Variants in OR52K1 observed in about 807,000 individuals in gnomAD.
The protein encoded by OR52K1 is olfactory receptor family 52 subfamily K member 1.
Under a neutral mutation model 8.7 loss-of-function variants are expected in OR52K1, and 10 were observed. The observed-to-expected ratio is 1.15, with a 90% confidence interval of 0.71 to 1.95. The LOEUF (loss-of-function observed/expected upper bound fraction) is 1.95. OR52K1 is among the 30% of genes most tolerant of loss of function. OR52K1 has a pLI of 0.00. For synonymous variants in OR52K1, 203 were observed against 148.5 expected (o/e 1.37, Z -2.67); for missense variants, 431 against 397.2 (o/e 1.08, Z -0.72).
Position 4,489,542 on chromosome 11 carries a change from C to G in OR52K1, c.642C>G (p.Leu214=). 2 of 1,614,234 alleles carry G rather than the reference C, an allele frequency of 1.2e-6. No homozygotes were observed. Among genetic ancestry groups the G allele is most frequent in the Non-Finnish European group, 1.7e-6 (2 of 1,180,050 alleles). ...VAMFIVVLDL[L]FVILSYVFIL... is the part of the protein sequence containing the mutation. ...TGTTTATTGTGGTGTTGGACCTGCTCTTTGTTATCCTGTCTTATGTCTTCA... is the reference window on the plus strand; with the variant it reads ...TGTTTATTGTGGTGTTGGACCTGCTGTTTGTTATCCTGTCTTATGTCTTCA... The change falls in exon 2 of 2, where the codon CTC becomes CTG. Residue 214 remains leucine (L), a synonymous_variant. Transcript: ENST00000641528.
Position 4,490,111 on chromosome 11 carries a change from A to G in OR52K1, c.*266A>G. ...AGGAAGACAAACCTCTCAAAGTGGT[A>G]TTGTAATCTGGGTGAAAGACAGTAG... On this transcript the variant is annotated 3_prime_UTR_variant, in exon 2 of 2. Coordinates refer to ENST00000641528, the MANE Select transcript of OR52K1 (RefSeq NM_001005171.3). 2.5e-6 allele frequency: 1 copy of G among 405,786 alleles called. No individual in the cohort carries two copies. The highest frequency in any genetic ancestry group is 4.4e-6 in the Non-Finnish European group (1 of 226,284). 25.1% of individuals were successfully genotyped at this position (405,786 alleles called of 1,614,324 possible).
rs1005926224 is a variant in OR52K1 at position 4,490,459 on chromosome 11, G to C, written c.*614G>C. The C allele has an allele frequency of 6.6e-6, 1 of 152,380 alleles. No homozygotes were observed. Among genetic ancestry groups the C allele is most frequent in the South Asian group, 2.1e-4 (1 of 4,842 alleles). 9.4% of individuals were successfully genotyped at this position (152,380 alleles called of 1,614,324 possible). A position where few individuals can be genotyped will look rare whatever the true frequency, so the allele number is the denominator to read the frequency against. ...TTCCTTTAGTGAACATTTATCAAAA[G>C]AGTCCTCCGATGTTCCTTTTTATCA... On this transcript the variant is annotated 3_prime_UTR_variant, in exon 2 of 2. Coordinates refer to ENST00000641528, the MANE Select transcript of OR52K1 (RefSeq NM_001005171.3).
rs1846395265 is a variant in OR52K1 at position 4,493,292 on chromosome 11, A to G, written c.*3447A>G. The stretch of plus-strand genomic sequence containing the variant: ...AGGTGGTGAAACAGAGTCTTCTCTA[A>G]CTCCCCCAGGGAAAGGGAGACTCCC... On this transcript the variant is annotated 3_prime_UTR_variant, in exon 2 of 2. Transcript: ENST00000641528. 1 of 151,972 alleles carries G rather than the reference A, an allele frequency of 6.6e-6. No individual in the cohort carries two copies. Among genetic ancestry groups the G allele is most frequent in the South Asian group, 2.1e-4 (1 of 4,812 alleles). The allele number at this position is 151,972 out of a possible 1,614,324, so 9.4% of individuals were successfully genotyped here. A position where few individuals can be genotyped will look rare whatever the true frequency, so the allele number is the denominator to read the frequency against.
chr11:4,483,770 T>C (rs189885571), intron 1 of OR52K1, among the ~76,000 whole-genome samples: 2 of 151,690 alleles, frequency 1.3e-5, no homozygotes, highest in East Asian at 3.9e-4. Flanking sequence ...AAGGTAAAGA[T>C]GCAGCAGGTT....
chr11:4,487,142 A>C (rs1045588621), intron 1 of OR52K1, among the ~76,000 whole-genome samples: 1 of 152,202 alleles, frequency 6.6e-6, no homozygotes, highest in African/African-American at 2.4e-5. Flanking sequence ...TATCCTTGAG[A>C]GAGTTGAGAT....
At position 4,483,107 on chromosome 11, in the gene OR52K1, C is replaced by T. The variant is rs1846294171; in HGVS notation, c.-398C>T. The T allele has an allele frequency of 2.5e-6, 1 of 398,572 alleles. No homozygotes were observed. Among genetic ancestry groups the T allele is most frequent in the Non-Finnish European group, 4.4e-6 (1 of 226,020 alleles). 24.7% of individuals were successfully genotyped at this position (398,572 alleles called of 1,614,324 possible). Reference sequence around the variant, plus strand: ...CTAACCCCTGGCAAATGCCCCATCCCAGTTAAAGGGCTTCTGCATTAGTCA... The same window carrying T: ...CTAACCCCTGGCAAATGCCCCATCCTAGTTAAAGGGCTTCTGCATTAGTCA... On this transcript the variant is annotated 5_prime_UTR_variant, in exon 1 of 2. Transcript: ENST00000641528.
Position 4,492,848 on chromosome 11 carries a change from TG to T in OR52K1, c.*3008del. ...AAAGAGAAGAAAAGACAGCTGGGCC[TG>T]GGGGACCAGTACCACCAAGATGCAG... is the stretch of plus-strand genomic sequence containing the variant. On this transcript the variant is annotated 3_prime_UTR_variant, in exon 2 of 2. Coordinates refer to ENST00000641528, the MANE Select transcript of OR52K1 (RefSeq NM_001005171.3). The T allele has an allele frequency of 5.4e-6, 1 of 186,394 alleles. No individual in the cohort carries two copies. The highest frequency in any genetic ancestry group is 1.1e-5 in the Non-Finnish European group (1 of 94,460). The allele number at this position is 186,394 out of a possible 1,614,324, so 11.5% of individuals were successfully genotyped here.
intron 1 of OR52K1, among the ~76,000 whole-genome samples, chr11:4,486,889 G>A (rs1453974693): frequency 1.3e-5 from 2 of 152,232 alleles, no homozygotes; most frequent in Non-Finnish European, 2.9e-5. Flanking sequence ...AGTTAGGGCA[G>A]AAGCAGGAGA....
At chr11:4,485,637 T>A (rs150893056) in intron 1 of OR52K1, among the ~76,000 whole-genome samples, 1 of 152,336 alleles carries the variant, frequency 6.6e-6, no homozygotes, top group East Asian at 1.9e-4. Flanking sequence ...ACCTTGATTC[T>A]GAGCCAATGT....
In OR52K1 at chr11:4,483,193, C is replaced by G; in HGVS notation, c.-329+17C>G. 1.3e-5 allele frequency: 5 copies of G among 398,582 alleles called. No individual in the cohort carries two copies. The highest frequency in any genetic ancestry group is 2.2e-5 in the Non-Finnish European group (5 of 226,028). 24.7% of individuals were successfully genotyped at this position (398,582 alleles called of 1,614,324 possible). A position where few individuals can be genotyped will look rare whatever the true frequency, so the allele number is the denominator to read the frequency against. The stretch of plus-strand genomic sequence containing the variant: ...CAGGGAAAGGTAAGAAATACCTTAT[C>G]TTTGAGGTTCTTCTACCAGAAGCAG... On this transcript the variant is annotated intron_variant, in intron 1 of 1. Transcript: ENST00000641528.
Position 4,493,089 on chromosome 11 carries a change from T to C in OR52K1, c.*3244T>C, listed in dbSNP as rs554927534. On this transcript the variant is annotated 3_prime_UTR_variant, in exon 2 of 2. Coordinates refer to ENST00000641528, the MANE Select transcript of OR52K1 (RefSeq NM_001005171.3). ...TATTTCTTCTATGCATTTCAAAGAC[T>C]TTTAGTACTTTCACTTATTCTGCTA... 2 of 152,504 alleles carry C rather than the reference T, an allele frequency of 1.3e-5. No homozygotes were observed. The highest frequency in any genetic ancestry group is 2.9e-5 in the Non-Finnish European group (2 of 68,192). The allele number at this position is 152,504 out of a possible 1,614,324, so 9.4% of individuals were successfully genotyped here.
At position 4,489,627 on chromosome 11, in the gene OR52K1, T is replaced by C; in HGVS notation, c.727T>C (p.Cys243Arg). Residue 243 changes from cysteine (C) to arginine (R), a missense_variant, in exon 2 of 2, where the codon TGT (cysteine) becomes CGT (arginine). Coordinates refer to ENST00000641528, the MANE Select transcript of OR52K1 (RefSeq NM_001005171.3). The stretch of plus-strand genomic sequence containing the variant: ...GGCCCGCTACAAGGCATTTGGGACA[T>C]GTGTGTCTCACATAGGTGCCATCCT... Reference protein sequence around the residue: ...QEARYKAFGTCVSHIGAILST... With the variant: ...QEARYKAFGTRVSHIGAILST... 3.1e-6 allele frequency: 5 copies of C among 1,614,146 alleles called. No homozygotes were observed. The highest frequency in any genetic ancestry group is 4.2e-6 in the Non-Finnish European group (5 of 1,179,972).
At position 4,491,906 on chromosome 11, in the gene OR52K1, T is replaced by C. The variant is rs1456897527; in HGVS notation, c.*2061T>C. 6 of 152,164 alleles carry C rather than the reference T, an allele frequency of 3.9e-5. No individual in the cohort carries two copies. Among genetic ancestry groups the C allele is most frequent in the Admixed American group, 2.6e-4 (4 of 15,280 alleles). The allele number at this position is 152,164 out of a possible 1,614,324, so 9.4% of individuals were successfully genotyped here. On this transcript the variant is annotated 3_prime_UTR_variant, in exon 2 of 2. Transcript: ENST00000641528. ...TATTTATATAACACACCTGCACATG[T>C]ACCTCTAACCTAAAATAAAAGTTAA...
chr11:4,485,910 C>A (rs1282860145), intron 1 of OR52K1, among the ~76,000 whole-genome samples: 1 of 152,184 alleles, frequency 6.6e-6, no homozygotes, highest in Non-Finnish European at 1.5e-5. Context: ...TTCATCCTAC[C>A]TGTGCTGGCT....
intron 1 of OR52K1, among the ~76,000 whole-genome samples, chr11:4,488,207 C>A (rs1846335890): frequency 1.3e-5 from 2 of 152,134 alleles, no homozygotes. Context: ...GAGCAGTGGT[C>A]TTAAACAGAA....
intron 1 of OR52K1, among the ~76,000 whole-genome samples, chr11:4,485,455 G>A (rs1846314177): frequency 6.6e-6 from 1 of 152,090 alleles, no homozygotes; most frequent in African/African-American, 2.4e-5. Flanking sequence ...CTCCTTTCAT[G>A]CTTTCCCCGT....
rs1174296799 is a variant in OR52K1 at position 4,489,593 on chromosome 11, C to T, written c.693C>T (p.Ala231=). The T allele has an allele frequency of 1.9e-6, 3 of 1,614,206 alleles. No homozygotes were observed. The highest frequency in any genetic ancestry group is 1.3e-5 in the African/African-American group (1 of 75,060). The change falls in exon 2 of 2, where the codon GCC becomes GCT. Residue 231 remains alanine (A), a synonymous_variant. Coordinates refer to ENST00000641528, the MANE Select transcript of OR52K1 (RefSeq NM_001005171.3). ...VFILQAVLQL[A]SQEARYKAFG... is the part of the protein sequence containing the mutation. The stretch of plus-strand genomic sequence containing the variant: ...TCCTTCAGGCAGTTCTCCAGCTTGC[C>T]TCTCAGGAGGCCCGCTACAAGGCAT...
rs751202457 is a variant in OR52K1 at position 4,492,937 on chromosome 11, G to T, written c.*3092G>T. 47 of 182,034 alleles carry T rather than the reference G, an allele frequency of 2.6e-4. No homozygotes were observed. Among genetic ancestry groups the T allele is most frequent in the Non-Finnish European group, 4.1e-4 (38 of 91,602 alleles). 11.3% of individuals were successfully genotyped at this position (182,034 alleles called of 1,614,324 possible). On this transcript the variant is annotated 3_prime_UTR_variant, in exon 2 of 2. Coordinates refer to ENST00000641528, the MANE Select transcript of OR52K1 (RefSeq NM_001005171.3). Reference sequence around the variant, plus strand: ...ATTTATTGGATACAAGGCAAAAGGGGCAGGGTAAAGAGTGTGAGTCATCTC... The same window carrying T: ...ATTTATTGGATACAAGGCAAAAGGGTCAGGGTAAAGAGTGTGAGTCATCTC...
At position 4,492,185 on chromosome 11, in the gene OR52K1, G is replaced by A. The variant is rs1846381361; in HGVS notation, c.*2340G>A. 6.6e-6 allele frequency: 1 copy of A among 152,034 alleles called. No homozygotes were observed. Among genetic ancestry groups the A allele is most frequent in the Non-Finnish European group, 1.5e-5 (1 of 68,004 alleles). 9.4% of individuals were successfully genotyped at this position (152,034 alleles called of 1,614,324 possible). ...TCTTTCCCCTCTGCTGCAAAACCCA[G>A]CAAAGTTCCAGTTAGAGGCTGTGAC... On this transcript the variant is annotated 3_prime_UTR_variant, in exon 2 of 2. Transcript: ENST00000641528.
Sources: allele counts gnomAD v4.1 joint callset (sites outside exome capture counted in the v4.1 genomes callset), GRCh38; gene constraint gnomAD v4.1.1; transcripts MANE v1.5; gene names NCBI Gene and HGNC (gene_info 2026-07-23, HGNC 2026-07-21).